The following SESTD1 variants were observed in gnomAD, a reference collection of about 807,000 sequenced individuals.
The protein encoded by SESTD1 is SEC14 domain and spectrin repeat-containing protein 1.
Under a neutral mutation model 101.7 loss-of-function variants are expected in SESTD1, and 43 were observed. The observed-to-expected ratio is 0.42, with a 90% CI of 0.33 to 0.55. The LOEUF (loss-of-function observed/expected upper bound fraction) is 0.55. Ranked by LOEUF, SESTD1 falls within the 20% of genes least tolerant of loss-of-function variation. SESTD1 has a pLI of 0.07. For missense variants in SESTD1, 647 were observed against 815.1 expected, an observed-to-expected ratio of 0.79 and a Z score of 2.51; for synonymous variants, 283 against 286.8, an observed-to-expected ratio of 0.99 and a Z score of 0.13.
At chr2:179,253,783 G>A (rs1477513922) in intron 1 of SESTD1, among the ~76,000 whole-genome samples, 1 of 152,176 alleles carries the variant, frequency 6.6e-6, no homozygotes, top group African/African-American at 2.4e-5. Flanking sequence ...GGAAGAATTT[G>A]TAATGTGTCC....
chr2:179,222,781 A>G (rs969900903), intron 1 of SESTD1, among the ~76,000 whole-genome samples: 2 of 152,186 alleles, frequency 1.3e-5, no homozygotes, highest in African/African-American at 4.8e-5. Context: ...AAATCTGGAG[A>G]CACAGATTTG....
intron 12 of SESTD1, among the ~76,000 whole-genome samples, chr2:179,122,404 C>A (rs564855901): frequency 6.6e-6 from 1 of 152,124 alleles, no homozygotes; most frequent in African/African-American, 2.4e-5. Context: ...AACATTGTGA[C>A]TAAAGATACA....
intron 2 of SESTD1, among the ~76,000 whole-genome samples, chr2:179,186,615 T>C (rs1387717070): frequency 6.6e-6 from 1 of 152,078 alleles, no homozygotes; most frequent in Non-Finnish European, 1.5e-5. Flanking sequence ...TCATGACATC[T>C]ACCTTGTAGA....
At chr2:179,159,917 C>T (rs952114622) in intron 5 of SESTD1, among the ~76,000 whole-genome samples, 3 of 152,180 alleles carry the variant, frequency 2.0e-5, no homozygotes, top group Admixed American at 1.3e-4. Context: ...TGCAATAGCA[C>T]GATCTCAGCT....
chr2:179,136,073 C>A (rs753825397), intron 9 of SESTD1, among the ~76,000 whole-genome samples: 2 of 152,102 alleles, frequency 1.3e-5, no homozygotes, highest in Admixed American at 1.3e-4. Context: ...GTAAGCAGTG[C>A]GATATAAAGA....
At chr2:179,142,726 C>T (rs1024540505) in intron 9 of SESTD1, among the ~76,000 whole-genome samples, 2 of 152,202 alleles carry the variant, frequency 1.3e-5, no homozygotes, top group African/African-American at 2.4e-5. Flanking sequence ...TCAAATGCTA[C>T]TTCCCCCACT....
intron 10 of SESTD1, among the ~76,000 whole-genome samples, chr2:179,131,668 CAGG>C (rs2045017152): frequency 6.6e-6 from 1 of 152,130 alleles, no homozygotes; most frequent in East Asian, 1.9e-4. Context: ...TGTAACAGAG[CAGG>C]AGATTAACGA....
chr2:179,199,533 G>A (rs2046467401), intron 1 of SESTD1, among the ~76,000 whole-genome samples: 1 of 152,174 alleles, frequency 6.6e-6, no homozygotes, highest in Non-Finnish European at 1.5e-5. Flanking sequence ...TATCCTTGAT[G>A]AACATTGATG....
chr2:179,210,407 A>C, intron 1 of SESTD1, among the ~76,000 whole-genome samples: 1 of 134,578 alleles, frequency 7.4e-6, no homozygotes, highest in Non-Finnish European at 1.6e-5. Flanking sequence ...AATATCCCTG[A>C]TTAAGATACA....
At position 179,106,980 on chromosome 2, in the gene SESTD1, C is replaced by A. The variant is rs563931775; in HGVS notation, c.*2919G>T. On this transcript the variant is annotated 3_prime_UTR_variant, in exon 18 of 18. Transcript: ENST00000428443. Reference sequence around the variant, plus strand: ...AAACAAACAAAAAAACCCAAAAAAACCAAAACAAAATGAAACTAACCCTGC... The same window carrying A: ...AAACAAACAAAAAAACCCAAAAAAAACAAAACAAAATGAAACTAACCCTGC... 9.6e-4 allele frequency: 145 copies of A among 151,036 alleles called. No homozygotes were observed. Among genetic ancestry groups the A allele is most frequent in the Admixed American group, 2.2e-3 (33 of 15,170 alleles). The allele number at this position is 151,036 out of a possible 1,614,324, so 9.4% of individuals were successfully genotyped here.
chr2:179,204,776 C>T (rs1439556092), intron 1 of SESTD1, among the ~76,000 whole-genome samples: 1 of 133,902 alleles, frequency 7.5e-6, no homozygotes, highest in African/African-American at 3.0e-5. Flanking sequence ...GTAAACAGGG[C>T]AAATAAAACC....
chr2:179,181,145 A>G (rs1050320658), intron 3 of SESTD1, among the ~76,000 whole-genome samples: 4 of 152,192 alleles, frequency 2.6e-5, no homozygotes, highest in African/African-American at 9.6e-5. Context: ...AAAGAGAAAG[A>G]AAAAATTTAA....
intron 1 of SESTD1, among the ~76,000 whole-genome samples, chr2:179,238,547 A>C (rs2105544727): frequency 6.6e-6 from 1 of 152,316 alleles, no homozygotes; most frequent in South Asian, 2.1e-4. Context: ...GATTAACCTA[A>C]TATGAAGCAT....
At position 179,211,323 on chromosome 2, in the gene SESTD1, T is replaced by C. The variant is rs146835279; in HGVS notation, c.-25-19457A>G. 1.5e-3 allele frequency among the ~76,000 whole-genome samples: 203 copies of C among 131,974 alleles called. 49 individuals carry two copies. The highest frequency in any genetic ancestry group is 0.013 in the Middle Eastern group (3 of 236). The allele number at this position is 131,974 out of a possible 152,430, so 86.6% of individuals were successfully genotyped here. On this transcript the variant is annotated intron_variant, in intron 1 of 17. Transcript: ENST00000428443. ...TAGAAAAAAAATCCTAAAATTCATA[T>C]GGAACAACAAAAAAAAGAGCCTGCA...
chr2:179,253,422 C>CT (rs2047347218), intron 1 of SESTD1, among the ~76,000 whole-genome samples: 2 of 152,134 alleles, frequency 1.3e-5, no homozygotes, highest in South Asian at 4.1e-4. Context: ...GACAAATGAA[C>CT]CACAGTAGGA....
intron 1 of SESTD1, among the ~76,000 whole-genome samples, chr2:179,259,973 C>T (rs2047459685): frequency 6.6e-6 from 1 of 152,138 alleles, no homozygotes; most frequent in Non-Finnish European, 1.5e-5. Flanking sequence ...CCCAAATGGC[C>T]TGTGAATTTT....
chr2:179,125,593 A>T (rs1308457820), intron 10 of SESTD1, among the ~76,000 whole-genome samples: 1 of 152,228 alleles, frequency 6.6e-6, no homozygotes. Flanking sequence ...CACATCTCAG[A>T]TGAGTGTGAG....
At chr2:179,168,560 A>G (rs527872462) in intron 5 of SESTD1, among the ~76,000 whole-genome samples, 3 of 152,320 alleles carry the variant, frequency 2.0e-5, no homozygotes, top group Admixed American at 6.5e-5. Flanking sequence ...TTTCAAAACT[A>G]AAATAGACAT....
intron 9 of SESTD1, among the ~76,000 whole-genome samples, chr2:179,140,619 T>C (rs996601871): frequency 6.6e-6 from 1 of 152,200 alleles, no homozygotes; most frequent in Non-Finnish European, 1.5e-5. Flanking sequence ...CCACCACTTA[T>C]AGCCATTACT....
Sources: gnomAD v4.1 joint callset for allele counts (sites outside exome capture counted in the v4.1 genomes callset) on GRCh38, gnomAD v4.1.1 for gene constraint, MANE v1.5 for transcripts, NCBI Gene and HGNC (gene_info 2026-07-23, HGNC 2026-07-21) for gene names.